ADCY5: variants seen among roughly 807,000 people sequenced by gnomAD.
The protein encoded by ADCY5 is adenylate cyclase 5.
A neutral mutation model predicts 119.7 loss-of-function variants in ADCY5; 30 were observed. The observed-to-expected ratio is 0.25, with a 90% CI of 0.19 to 0.34. The LOEUF (loss-of-function observed/expected upper bound fraction) is 0.34. ADCY5 is among the 10% of genes least tolerant of loss of function. The pLI is 1.00. For synonymous variants in ADCY5, 753 were observed against 762.2 expected (o/e 0.99, Z 0.20); for missense variants, 1,324 against 1,775.2 (o/e 0.75, Z 4.57).
chr3:123,420,327 A>C (rs1199191834), intron 1 of ADCY5: 1 of 152,274 alleles, frequency 6.6e-6, no homozygotes, highest in Non-Finnish European at 1.5e-5. Flanking sequence ...TAGAGATCAC[A>C]GTTAAGCCTC....
chr3:123,359,638 C>T (rs1033424630), intron 1 of ADCY5, among the ~76,000 whole-genome samples: 1 of 152,024 alleles, frequency 6.6e-6, no homozygotes, highest in African/African-American at 2.4e-5. Flanking sequence ...CCAAATCCAT[C>T]CAAAGACCAC....
At chr3:123,328,588 T>G in intron 6 of ADCY5, 56 bp downstream of exon 6, 3 of 1,584,236 alleles carry the variant, frequency 1.9e-6, no homozygotes, top group East Asian at 2.2e-5. Context: ...TCACCCTGGG[T>G]GGGCTTGAGT....
In ADCY5 at chr3:123,379,134, A is replaced by G. The variant is rs139480294; in HGVS notation, c.1135-26553T>C. Among the ~76,000 whole-genome samples, 5 of 152,276 alleles carry G rather than the reference A, an allele frequency of 3.3e-5. No individual in the cohort carries two copies. In the East Asian group the frequency reaches 7.7e-4, roughly 24 times the overall value. Reference sequence around the variant, plus strand: ...TGGCCATGGTACCATGGGACTGACCAGGGCAGTGGATGTGAATGTTCACTT... The same window carrying G: ...TGGCCATGGTACCATGGGACTGACCGGGGCAGTGGATGTGAATGTTCACTT... On this transcript the variant is annotated intron_variant, in intron 1 of 20. Coordinates refer to ENST00000462833, the MANE Select transcript of ADCY5 (RefSeq NM_183357.3).
In ADCY5 at chr3:123,314,220, G is replaced by C. The variant is rs368081990; in HGVS notation, c.2442+15C>G. Reference sequence around the variant, plus strand: ...GGAAGAAGGTGGCTGCAACCCAGCTGTCAGCTACACTCACCTTTACGCAGG... The same window carrying C: ...GGAAGAAGGTGGCTGCAACCCAGCTCTCAGCTACACTCACCTTTACGCAGG... On this transcript the variant is annotated intron_variant, in intron 12 of 20. Transcript: ENST00000462833. 1.4e-5 allele frequency: 23 copies of C among 1,603,650 alleles called. No individual in the cohort carries two copies. The highest frequency in any genetic ancestry group is 1.6e-4 in the Middle Eastern group (1 of 6,068).
chr3:123,445,344 C>A (rs1389133920), intron 1 of ADCY5, among the ~76,000 whole-genome samples: 2 of 150,382 alleles, frequency 1.3e-5, no homozygotes, highest in East Asian at 2.0e-4. Flanking sequence ...TTGGGGCCCC[C>A]CCCAAGGCTC....
chr3:123,343,836 C>G (rs1054606711), intron 3 of ADCY5, among the ~76,000 whole-genome samples: 1 of 152,154 alleles, frequency 6.6e-6, no homozygotes, highest in African/African-American at 2.4e-5. Context: ...GGCCCTGGCT[C>G]CAGCTGACCC....
chr3:123,298,702 C>T (rs1367393161), intron 15 of ADCY5, among the ~76,000 whole-genome samples: 2 of 152,172 alleles, frequency 1.3e-5, no homozygotes, highest in Non-Finnish European at 2.9e-5. Flanking sequence ...CAGTGGCTGG[C>T]ACATAGCAGG....
chr3:123,296,503 C>A (rs1939521988), intron 16 of ADCY5, among the ~76,000 whole-genome samples: 1 of 152,196 alleles, frequency 6.6e-6, no homozygotes, highest in African/African-American at 2.4e-5. Context: ...CTGGTCAGAT[C>A]AGGGGATGAA....
rs552647975 is a variant in ADCY5, at chr3:123,325,845, C to A, written c.1948-383G>T. Among the ~76,000 whole-genome samples the A allele has an allele frequency of 2.2e-4, 34 of 152,376 alleles. No individual in the cohort carries two copies. In the South Asian group the frequency reaches 4.6e-3, roughly 20 times the overall value. ...CTAGGCTCCGAAAGGCCTGAGCTGA[C>A]GCACCCAGCTGCCCGCACTGTGCTT... On this transcript the variant is annotated intron_variant, in intron 7 of 20. Transcript: ENST00000462833.
In ADCY5 at chr3:123,348,036, A is replaced by AGCGTGTGTGTGTGTGTGTGTGTGTGT. The variant is rs1553732238; in HGVS notation, c.1285-134_1285-133insACACACACACACACACACACACACGC. ...GCTCTCCCGGGACTCCTGGGTTAAC[A>AGCGTGTGTGTGTGTGTGTGTGTGTGT]GTGTGTGTGTGTGTGTGTGTGTGTG... On this transcript the variant is annotated intron_variant, in intron 2 of 20. Transcript: ENST00000462833. The AGCGTGTGTGTGTGTGTGTGTGTGTGT allele has an allele frequency of 2.3e-5, 10 of 428,822 alleles. No homozygotes were observed. In the African/African-American group the frequency reaches 2.5e-4, roughly 11 times the overall value. The allele number at this position is 428,822 out of a possible 1,614,324, so 26.6% of individuals were successfully genotyped here.
chr3:123,318,509 A>G (rs1941044667), intron 10 of ADCY5, among the ~76,000 whole-genome samples: 1 of 152,182 alleles, frequency 6.6e-6, no homozygotes, highest in Admixed American at 6.5e-5. Context: ...TTTCTTCTTC[A>G]GAGATGAGCA....
rs1440880023 is a variant in ADCY5, at chr3:123,448,112, GAGGC to G, written c.430_433del (p.Ala144ArgfsTer93). 8.9e-7 allele frequency: 1 copy of G among 1,118,368 alleles called. No individual in the cohort carries two copies. Among genetic ancestry groups the G allele is most frequent in the Non-Finnish European group, 1.1e-6 (1 of 918,914 alleles). The allele number at this position is 1,118,368 out of a possible 1,614,324, so 69.3% of individuals were successfully genotyped here. A position where few individuals can be genotyped will look rare whatever the true frequency, so the allele number is the denominator to read the frequency against. On this transcript the variant is annotated frameshift_variant, in exon 1 of 21. Coordinates refer to ENST00000462833, the MANE Select transcript of ADCY5 (RefSeq NM_183357.3). LOFTEE classifies it high-confidence loss of function. Reference sequence around the variant, plus strand: ...AGGGCGCACCTCCGTCCCGCCCGCCGAGGCAGCCGCCGCCGCCGAGCCGCCGCCG... The same window carrying G: ...AGGGCGCACCTCCGTCCCGCCCGCCGAGCCGCCGCCGCCGAGCCGCCGCCG...
At chr3:123,423,584 A>T (rs1576687515) in intron 1 of ADCY5, among the ~76,000 whole-genome samples, 1 of 152,144 alleles carries the variant, frequency 6.6e-6, no homozygotes. Context: ...TTCTGTCCTC[A>T]GAGTTCCCAA....
At chr3:123,328,881 G>A in intron 5 of ADCY5, 79 bp from the exon 6 acceptor site, 7 of 1,416,464 alleles carry the variant, frequency 4.9e-6, no homozygotes, top group Admixed American at 1.9e-5. Context: ...GCAGGTGCAG[G>A]GAAGGTGAAG....
chr3:123,366,614 A>G (rs1482009796), intron 1 of ADCY5, among the ~76,000 whole-genome samples: 1 of 152,176 alleles, frequency 6.6e-6, no homozygotes, highest in Non-Finnish European at 1.5e-5. Context: ...CTGAAAATTC[A>G]CTTATCTTAC....
intron 1 of ADCY5, among the ~76,000 whole-genome samples, chr3:123,412,628 G>A (rs1343808025): frequency 2.0e-5 from 3 of 152,096 alleles, no homozygotes; most frequent in Non-Finnish European, 4.4e-5. Flanking sequence ...GGGGTTAATG[G>A]GGGTCTGGTG....
chr3:123,293,583 G>A (rs552962664), intron 17 of ADCY5, among the ~76,000 whole-genome samples: 2 of 151,942 alleles, frequency 1.3e-5, no homozygotes, highest in South Asian at 2.1e-4. Context: ...AGGTGAGGAG[G>A]GGGTGGGGGG....
intron 11 of ADCY5, among the ~76,000 whole-genome samples, chr3:123,315,980 G>A (rs913260627): frequency 2.0e-5 from 3 of 152,202 alleles, no homozygotes; most frequent in Admixed American, 1.3e-4. Context: ...CCTCAGTGCA[G>A]GGGTCAACCA....
intron 9 of ADCY5, 52 bp downstream of exon 9, chr3:123,320,697 G>A (rs1941173427): frequency 6.2e-7 from 1 of 1,606,286 alleles, no homozygotes; most frequent in South Asian, 1.1e-5. Context: ...GGTGGATTGG[G>A]AGATATCCCC....
Sources: gnomAD v4.1 joint callset for allele counts (sites outside exome capture counted in the v4.1 genomes callset) on GRCh38, gnomAD v4.1.1 for gene constraint, MANE v1.5 for transcripts, NCBI Gene and HGNC (gene_info 2026-07-23, HGNC 2026-07-21) for gene names.